The following PTPRE variants were observed in gnomAD, a reference collection of about 807,000 sequenced individuals.
PTPRE encodes the protein protein tyrosine phosphatase receptor type E.
In PTPRE, 51 loss-of-function variants were observed where a neutral mutation model predicts 102.0. The observed-to-expected ratio is 0.50, with a 90% CI of 0.40 to 0.63. PTPRE has a LOEUF of 0.63. Among genes scored for constraint, PTPRE ranks in the 30% least tolerant of loss-of-function variants. PTPRE has a pLI of 0.00. For synonymous variants in PTPRE, 345 were observed against 348.2 expected (o/e 0.99, Z 0.10); for missense variants, 752 against 915.1 (o/e 0.82, Z 2.30).
At position 128,049,483 on chromosome 10, in the gene PTPRE, T is replaced by G. The variant is rs368485246; in HGVS notation, c.284-47T>G. On this transcript the variant is annotated intron_variant, in intron 5 of 20. Transcript: ENST00000254667. ...GTCAGCTTGGTTACTCAGTCGCCTATCCAGGAATGTGGCTAAATGGCCCCC... is the reference window on the plus strand; with the variant it reads ...GTCAGCTTGGTTACTCAGTCGCCTAGCCAGGAATGTGGCTAAATGGCCCCC... 3.1e-6 allele frequency: 5 copies of G among 1,607,432 alleles called. No homozygotes were observed. The African/African-American group carries it at 6.7e-5, about 21-fold the overall frequency.
At chr10:127,963,305 C>T (rs1849975298) in intron 1 of PTPRE, among the ~76,000 whole-genome samples, 1 of 152,208 alleles carries the variant, frequency 6.6e-6, no homozygotes, top group African/African-American at 2.4e-5. Context: ...ACTCCCATTC[C>T]TCCCTCTCCT....
intron 2 of PTPRE, among the ~76,000 whole-genome samples, chr10:128,016,144 A>G (rs1845404676): frequency 6.6e-6 from 1 of 152,198 alleles, no homozygotes; most frequent in Non-Finnish European, 1.5e-5. Flanking sequence ...GGACCAGGGC[A>G]TGGACCATAT....
At chr10:127,983,516 T>C (rs1461834487) in intron 2 of PTPRE, among the ~76,000 whole-genome samples, 1 of 152,194 alleles carries the variant, frequency 6.6e-6, no homozygotes, top group Admixed American at 6.5e-5. Context: ...CAGAATCCTA[T>C]ACAAGGGGTG....
In PTPRE at chr10:127,907,525, C is replaced by T. The variant is rs1319091411; in HGVS notation, c.-31+216C>T. On this transcript the variant is annotated intron_variant, in intron 1 of 20. Transcript: ENST00000254667. The surrounding 1 kb of genome is among the most constrained non-coding windows in gnomAD (Gnocchi z 4.8). Reference sequence around the variant, plus strand: ...CCCCGACCCCGGCCTGTGGCGCGTCCCCTCACCCGGAGTCCCCAGCCCAAC... The same window carrying T: ...CCCCGACCCCGGCCTGTGGCGCGTCTCCTCACCCGGAGTCCCCAGCCCAAC... Among the ~76,000 whole-genome samples the T allele has an allele frequency of 6.6e-6, 1 of 151,952 alleles. No individual in the cohort carries two copies. The highest frequency in any genetic ancestry group is 2.4e-5 in the African/African-American group (1 of 41,406).
At chr10:127,995,621 A>G (rs1853168352) in intron 2 of PTPRE, among the ~76,000 whole-genome samples, 2 of 152,330 alleles carry the variant, frequency 1.3e-5, no homozygotes, top group African/African-American at 2.4e-5. Context: ...TTGTTTAAAC[A>G]CCGATATGAA....
chr10:128,067,928 C>T (rs1325244004), intron 11 of PTPRE, among the ~76,000 whole-genome samples, 195 bp from the exon 12 acceptor site: 4 of 152,020 alleles, frequency 2.6e-5, no homozygotes, highest in African/African-American at 7.3e-5. Context: ...TTCTGTGGCC[C>T]CAAAAGCAGC....
rs1214214425 is a variant in PTPRE, at chr10:128,084,343, T to G, written c.*1437T>G. The G allele has an allele frequency of 6.6e-6, 1 of 152,214 alleles. No homozygotes were observed. 9.4% of individuals were successfully genotyped at this position (152,214 alleles called of 1,614,324 possible). On this transcript the variant is annotated 3_prime_UTR_variant, in exon 21 of 21. Coordinates refer to ENST00000254667, the MANE Select transcript of PTPRE (RefSeq NM_006504.6). Reference sequence around the variant, plus strand: ...TCTAAAAGCTACATAAAGGCCTTATTTGACATTTTCACTGATAACTGATCG... The same window carrying G: ...TCTAAAAGCTACATAAAGGCCTTATGTGACATTTTCACTGATAACTGATCG...
chr10:128,023,294 A>G (rs990356871), intron 2 of PTPRE, among the ~76,000 whole-genome samples: 3 of 152,146 alleles, frequency 2.0e-5, no homozygotes, highest in Non-Finnish European at 4.4e-5. Flanking sequence ...GTATATATAC[A>G]TAGTATGTAT....
chr10:127,914,260 C>T (rs944526710), intron 1 of PTPRE, among the ~76,000 whole-genome samples: 10 of 152,304 alleles, frequency 6.6e-5, no homozygotes, highest in African/African-American at 1.7e-4. Context: ...TGTGCACAGC[C>T]TGCAGAACCA....
chr10:128,034,658 G>A (rs1227308542), intron 2 of PTPRE, among the ~76,000 whole-genome samples: 2 of 152,208 alleles, frequency 1.3e-5, no homozygotes, highest in Non-Finnish European at 1.5e-5. Context: ...TCTGGCAACA[G>A]AGTGAGACTC....
rs147319758 is a variant in PTPRE, at chr10:128,070,656, A to G, written c.1294-152A>G. The G allele has an allele frequency of 4.6e-4, 508 of 1,103,660 alleles. No individual in the cohort carries two copies. The East Asian group carries it at 7.9e-3, about 17-fold the overall frequency. 68.4% of individuals were successfully genotyped at this position (1,103,660 alleles called of 1,614,324 possible). A position where few individuals can be genotyped will look rare whatever the true frequency, so the allele number is the denominator to read the frequency against. On this transcript the variant is annotated intron_variant, in intron 14 of 20. Transcript: ENST00000254667. This position sits in a 1 kb window ranked among gnomAD's most constrained non-coding sequence, Gnocchi z 4.8. ...CTCATAGCAGCCCTACTAGGCACAC[A>G]TTTGTATTTCCCAATGCTAAGGAGG...
intron 1 of PTPRE, among the ~76,000 whole-genome samples, chr10:127,953,623 T>C (rs994914637): frequency 1.3e-5 from 2 of 152,248 alleles, no homozygotes; most frequent in African/African-American, 2.4e-5. Flanking sequence ...CAAATACTTA[T>C]GGTTCCTACT....
chr10:128,011,543 G>A (rs1845012988), intron 2 of PTPRE, among the ~76,000 whole-genome samples: 1 of 152,202 alleles, frequency 6.6e-6, no homozygotes, highest in South Asian at 2.1e-4. Flanking sequence ...ATAGCACCCG[G>A]GCTTCAAGCT....
In PTPRE at chr10:127,923,700, T is replaced by C. The variant is rs186054489; in HGVS notation, c.-31+16391T>C. On this transcript the variant is annotated intron_variant, in intron 1 of 20. Coordinates refer to ENST00000254667, the MANE Select transcript of PTPRE (RefSeq NM_006504.6). Reference sequence around the variant, plus strand: ...ATTTTTAAAGGCTCCAAGGAGAGCTTCTGTTTTGACAGAAACTCTATCAAG... The same window carrying C: ...ATTTTTAAAGGCTCCAAGGAGAGCTCCTGTTTTGACAGAAACTCTATCAAG... Among the ~76,000 whole-genome samples, 31 of 152,308 alleles carry C rather than the reference T, an allele frequency of 2.0e-4. 1 individual carries two copies. The highest frequency in any genetic ancestry group is 7.0e-4 in the African/African-American group (29 of 41,562).
chr10:128,001,187 G>C (rs1046978698), intron 2 of PTPRE, among the ~76,000 whole-genome samples: 11 of 147,486 alleles, frequency 7.5e-5, no homozygotes, highest in African/African-American at 2.7e-4. Context: ...TCTGTGTGCA[G>C]AGAGATCTGA....
At chr10:128,005,207 C>T (rs1193137753) in intron 2 of PTPRE, among the ~76,000 whole-genome samples, 1 of 152,230 alleles carries the variant, frequency 6.6e-6, no homozygotes, top group Non-Finnish European at 1.5e-5. Context: ...TTTGCTGACG[C>T]TGTCTTCTGA....
In PTPRE at chr10:128,010,113, G is replaced by A. The variant is rs541072113; in HGVS notation, c.-8+27817G>A. Among the ~76,000 whole-genome samples, 5 of 152,244 alleles carry A rather than the reference G, an allele frequency of 3.3e-5. No homozygotes were observed. In the South Asian group the frequency reaches 1.0e-3, roughly 32 times the overall value. Reference sequence around the variant, plus strand: ...TCAAGTCCTTCTGGGCAGCCCCTGGGTGCCAGGCCCTTTGCTGGCCGTAAA... The same window carrying A: ...TCAAGTCCTTCTGGGCAGCCCCTGGATGCCAGGCCCTTTGCTGGCCGTAAA... On this transcript the variant is annotated intron_variant, in intron 2 of 20. Coordinates refer to ENST00000254667, the MANE Select transcript of PTPRE (RefSeq NM_006504.6).
chr10:128,064,082 T>G (rs1206184698), intron 10 of PTPRE, among the ~76,000 whole-genome samples: 1 of 152,112 alleles, frequency 6.6e-6, no homozygotes. Context: ...GCCCCAGCAG[T>G]TCCCAGGCAT....
At chr10:127,932,603 G>A (rs549221647) in intron 1 of PTPRE, among the ~76,000 whole-genome samples, 1 of 152,328 alleles carries the variant, frequency 6.6e-6, no homozygotes, top group South Asian at 2.1e-4. Flanking sequence ...ACAGGAGGGT[G>A]GAGAAGGGCG....
Sources: allele counts gnomAD v4.1 joint callset (sites outside exome capture counted in the v4.1 genomes callset), GRCh38; gene constraint gnomAD v4.1.1; non-coding constraint Gnocchi (gnomAD v3.1); transcripts MANE v1.5; gene names NCBI Gene and HGNC (gene_info 2026-07-23, HGNC 2026-07-21).